The following CSMD1 variants were observed in gnomAD, a reference collection of about 807,000 sequenced individuals.
The protein encoded by CSMD1 is CUB and Sushi multiple domains 1.
A neutral mutation model predicts 417.5 loss-of-function variants in CSMD1; 213 were observed. That is an observed-to-expected ratio of 0.51 (90% CI 0.46 to 0.57). The LOEUF (loss-of-function observed/expected upper bound fraction) is 0.57. Ranked by LOEUF, CSMD1 falls within the 20% of genes least tolerant of loss-of-function variation. The probability of loss-of-function intolerance (pLI) is 0.00; values close to 1 mark genes in which losing one functional copy is unlikely to be tolerated. For synonymous variants in CSMD1, 2,862 were observed against 1,736.8 expected, an observed-to-expected ratio of 1.65 and a Z score of -16.11; for missense variants, 6,923 against 4,529.7, an observed-to-expected ratio of 1.53 and a Z score of -15.17.
chr8:3,398,239 G>C (rs1474022584), intron 16 of CSMD1, among the ~76,000 whole-genome samples: 1 of 152,136 alleles, frequency 6.6e-6, no homozygotes, highest in Non-Finnish European at 1.5e-5. Flanking sequence ...CCAGTAAGTG[G>C]AGAAATTAGT....
At chr8:3,151,545 G>C in intron 39 of CSMD1, 32 bp from the exon 40 acceptor site, 1 of 1,382,486 alleles carries the variant, frequency 7.2e-7, no homozygotes, top group Non-Finnish European at 1.0e-6. Context: ...AGTCCTGCAG[G>C]TCCTCACTTT....
At chr8:3,898,392 G>C (rs866697450) in intron 5 of CSMD1, among the ~76,000 whole-genome samples, 1 of 152,252 alleles carries the variant, frequency 6.6e-6, no homozygotes, top group East Asian at 1.9e-4. Flanking sequence ...AGAAAGAAAA[G>C]TTACTAATCA....
chr8:4,281,005 T>G (rs546450346), intron 3 of CSMD1, among the ~76,000 whole-genome samples: 63 of 152,276 alleles, frequency 4.1e-4, no homozygotes, highest in Admixed American at 1.2e-3. Context: ...TTAAATGTAT[T>G]AAAATTAAGT....
intron 1 of CSMD1, among the ~76,000 whole-genome samples, chr8:4,989,505 A>C (rs759073178): frequency 2.6e-5 from 4 of 152,206 alleles, no homozygotes; most frequent in Non-Finnish European, 4.4e-5. Context: ...TAGTTGATCA[A>C]ATAAAACTTA....
intron 1 of CSMD1, among the ~76,000 whole-genome samples, chr8:4,793,630 G>A (rs532241022): frequency 2.0e-5 from 3 of 152,056 alleles, no homozygotes; most frequent in African/African-American, 7.2e-5. Context: ...AAAAAATACA[G>A]CACTAATTAT....
chr8:3,295,555 A>C (rs1451170519), intron 25 of CSMD1, among the ~76,000 whole-genome samples: 1 of 152,170 alleles, frequency 6.6e-6, no homozygotes, highest in East Asian at 1.9e-4. Context: ...TTGTTTCTAC[A>C]TTTTAATTTT....
intron 5 of CSMD1, among the ~76,000 whole-genome samples, chr8:3,764,796 G>C (rs989302892): frequency 1.4e-5 from 2 of 147,650 alleles, no homozygotes; most frequent in South Asian, 2.2e-4. Context: ...GCCTAGGCTG[G>C]AGTGCAGGGG....
At chr8:4,233,705 C>G (rs372465701) in intron 3 of CSMD1, among the ~76,000 whole-genome samples, 1 of 152,110 alleles carries the variant, frequency 6.6e-6, no homozygotes, top group Non-Finnish European at 1.5e-5. Flanking sequence ...TTTGGTACAG[C>G]AGCCCCAACA....
At chr8:4,356,841 A>T (rs932554980) in intron 3 of CSMD1, among the ~76,000 whole-genome samples, 2 of 152,210 alleles carry the variant, frequency 1.3e-5, no homozygotes, top group Non-Finnish European at 2.9e-5. Flanking sequence ...CTAGTTGTTC[A>T]GCTATCTCTG....
At chr8:3,213,914 G>A (rs1255339986) in intron 30 of CSMD1, among the ~76,000 whole-genome samples, 2 of 151,566 alleles carry the variant, frequency 1.3e-5, no homozygotes, top group African/African-American at 4.9e-5. Context: ...CTGGAGTGCA[G>A]TGGCACAATC....
intron 3 of CSMD1, among the ~76,000 whole-genome samples, chr8:4,105,936 G>C (rs1334551215): frequency 6.6e-6 from 1 of 152,168 alleles, no homozygotes; most frequent in Non-Finnish European, 1.5e-5. Context: ...GGTGCGTCCT[G>C]AATACCTGAC....
intron 3 of CSMD1, among the ~76,000 whole-genome samples, chr8:4,405,597 T>C (rs1438048788): frequency 6.6e-6 from 1 of 152,206 alleles, no homozygotes. Context: ...AGTTTGTTTG[T>C]TGACAATCAA....
At chr8:3,162,071 T>C (rs1341375257) in intron 38 of CSMD1, 88 bp downstream of exon 38, 4 of 807,522 alleles carry the variant, frequency 5.0e-6, no homozygotes, top group African/African-American at 1.7e-5. Context: ...GAGGAAAACA[T>C]GGGTACAAAG....
At chr8:3,516,814 C>T (rs188010456) in intron 10 of CSMD1, among the ~76,000 whole-genome samples, 11 of 152,192 alleles carry the variant, frequency 7.2e-5, no homozygotes, top group African/African-American at 2.6e-4. Context: ...CCAACAATCC[C>T]ATCGCTGAGT....
intron 3 of CSMD1, among the ~76,000 whole-genome samples, chr8:4,371,469 G>A (rs995066668): frequency 6.6e-6 from 1 of 152,148 alleles, no homozygotes; most frequent in Non-Finnish European, 1.5e-5. Context: ...TCTGGGGATA[G>A]AAAATATAAT....
At chr8:4,968,971 G>C (rs1205902179) in intron 1 of CSMD1, among the ~76,000 whole-genome samples, 5 of 152,108 alleles carry the variant, frequency 3.3e-5, no homozygotes, top group Non-Finnish European at 7.4e-5. Context: ...TCAAGCCCCT[G>C]TGCTTTTGCA....
At chr8:4,918,723 G>C (rs1052412465) in intron 1 of CSMD1, among the ~76,000 whole-genome samples, 1 of 152,030 alleles carries the variant, frequency 6.6e-6, no homozygotes, top group African/African-American at 2.4e-5. Context: ...ATTTCACCAA[G>C]AACTTTCCAG....
At chr8:3,959,044 C>A (rs886924168) in intron 5 of CSMD1, among the ~76,000 whole-genome samples, 1 of 152,236 alleles carries the variant, frequency 6.6e-6, no homozygotes, top group African/African-American at 2.4e-5. Flanking sequence ...CTCCTCCATA[C>A]TTCCTACTCC....
At chr8:3,656,802 G>A (rs1798133831) in intron 7 of CSMD1, among the ~76,000 whole-genome samples, 1 of 152,042 alleles carries the variant, frequency 6.6e-6, no homozygotes, top group African/African-American at 2.4e-5. Flanking sequence ...GGGCATCCCT[G>A]TAGTCCCAGC....
Sources: allele counts gnomAD v4.1 joint callset (sites outside exome capture counted in the v4.1 genomes callset), GRCh38; gene constraint gnomAD v4.1.1; transcripts MANE v1.5; gene names NCBI Gene and HGNC (gene_info 2026-07-23, HGNC 2026-07-21).